Variants in AGBL1 observed in about 807,000 individuals in gnomAD.
AGBL1 encodes cytosolic carboxypeptidase 4.
AGBL1 carries 130 observed loss-of-function variants against 118.9 expected under a neutral mutation model. That is an observed-to-expected ratio of 1.09 (90% confidence interval 0.95 to 1.26). The LOEUF is 1.26. Ranked by LOEUF, AGBL1 falls within the 50% of genes most tolerant of loss-of-function variation. The probability of loss-of-function intolerance (pLI) is 0.00; values close to 1 mark genes in which losing one functional copy is unlikely to be tolerated. For synonymous variants in AGBL1, 555 were observed against 478.9 expected, an observed-to-expected ratio of 1.16 and a Z score of -2.08; for missense variants, 1,584 against 1,298.1, an observed-to-expected ratio of 1.22 and a Z score of -3.38.
intron 22 of AGBL1, among the ~76,000 whole-genome samples, chr15:86,791,074 T>G (rs80211978): frequency 0.065 from 9,895 of 152,238 alleles, 472 homozygotes; most frequent in East Asian, 0.19. Flanking sequence ...TGGAAAGATA[T>G]GAAAATCCAG....
intron 5 of AGBL1, among the ~76,000 whole-genome samples, chr15:86,197,649 G>A (rs1316824865): frequency 6.6e-6 from 1 of 152,168 alleles, no homozygotes. Context: ...AGGAACTAGA[G>A]CTTGAAAATT....
At chr15:86,571,226 G>A (rs576318952) in intron 21 of AGBL1, among the ~76,000 whole-genome samples, 2 of 152,274 alleles carry the variant, frequency 1.3e-5, no homozygotes, top group Non-Finnish European at 2.9e-5. Context: ...TCCCTGAAGG[G>A]CCACAGCTCT....
chr15:86,902,587 G>T (rs1235417995), intron 22 of AGBL1, among the ~76,000 whole-genome samples: 3 of 151,950 alleles, frequency 2.0e-5, no homozygotes, highest in Non-Finnish European at 2.9e-5. Flanking sequence ...TTTTAGGGTA[G>T]ATCTGTTACC....
At chr15:86,281,735 A>G (rs1275719248) in intron 16 of AGBL1, among the ~76,000 whole-genome samples, 1 of 152,178 alleles carries the variant, frequency 6.6e-6, no homozygotes, top group Non-Finnish European at 1.5e-5. Context: ...CCCCTGTAGA[A>G]AAGTGTAGAA....
chr15:86,159,407 A>G (rs2077236170), intron 5 of AGBL1, among the ~76,000 whole-genome samples: 1 of 152,142 alleles, frequency 6.6e-6, no homozygotes, highest in African/African-American at 2.4e-5. Flanking sequence ...ACTCGCAGCA[A>G]ATCTACCATA....
At chr15:86,199,969 T>G (rs372889916) in intron 5 of AGBL1, among the ~76,000 whole-genome samples, 1 of 152,196 alleles carries the variant, frequency 6.6e-6, no homozygotes, top group Non-Finnish European at 1.5e-5. Flanking sequence ...TTTGCACAAC[T>G]GTCCTGTTTG....
chr15:86,955,498 A>T (rs925605003), intron 23 of AGBL1, among the ~76,000 whole-genome samples: 5 of 152,078 alleles, frequency 3.3e-5, no homozygotes, highest in Non-Finnish European at 7.4e-5. Context: ...CAAATGATGA[A>T]CATGTAATCA....
chr15:86,652,465 C>T (rs1009647571), intron 21 of AGBL1, among the ~76,000 whole-genome samples: 5 of 151,976 alleles, frequency 3.3e-5, no homozygotes, highest in African/African-American at 9.7e-5. Context: ...TTTATCCATT[C>T]TAGAAAGATG....
intron 18 of AGBL1, among the ~76,000 whole-genome samples, chr15:86,499,640 G>A (rs1183604668): frequency 6.6e-6 from 1 of 151,872 alleles, no homozygotes; most frequent in African/African-American, 2.4e-5. Flanking sequence ...CTACTAATTA[G>A]TATTACAGTT....
chr15:86,084,435 T>C (rs906300705), intron 1 of AGBL1, among the ~76,000 whole-genome samples: 7 of 152,208 alleles, frequency 4.6e-5, no homozygotes, highest in African/African-American at 1.7e-4. Flanking sequence ...GTTATTCTCC[T>C]GTCTTACAGA....
At chr15:86,467,259 T>C (rs189679365) in intron 18 of AGBL1, among the ~76,000 whole-genome samples, 2 of 152,292 alleles carry the variant, frequency 1.3e-5, no homozygotes, top group Admixed American at 1.3e-4. Flanking sequence ...TCCTGATGGC[T>C]TTGTTTACAC....
chr15:87,012,343 G>A (rs559685242), intron 24 of AGBL1, among the ~76,000 whole-genome samples: 1 of 151,488 alleles, frequency 6.6e-6, no homozygotes, highest in Non-Finnish European at 1.5e-5. Flanking sequence ...TTTTGGGGGG[G>A]TACTTTCCTA....
chr15:86,825,752 A>G (rs1025530800), intron 22 of AGBL1, among the ~76,000 whole-genome samples: 4 of 150,320 alleles, frequency 2.7e-5, no homozygotes, highest in African/African-American at 9.7e-5. Context: ...AAAGAAAGAA[A>G]AACAAACCAA....
intron 20 of AGBL1, among the ~76,000 whole-genome samples, chr15:86,547,670 G>A (rs571615718): frequency 6.6e-6 from 1 of 152,204 alleles, no homozygotes; most frequent in Non-Finnish European, 1.5e-5. Flanking sequence ...AAGGACAGTG[G>A]TATTTAATAG....
chr15:86,113,273 CT>C (rs1312478666), intron 1 of AGBL1, among the ~76,000 whole-genome samples: 14 of 63,962 alleles, frequency 2.2e-4, no homozygotes, highest in Admixed American at 4.5e-4. Flanking sequence ...TTCTTTCTTT[CT>C]TTTTCTTTCT....
At chr15:86,804,731 A>G (rs2078694489) in intron 22 of AGBL1, among the ~76,000 whole-genome samples, 1 of 152,164 alleles carries the variant, frequency 6.6e-6, no homozygotes, top group Admixed American at 6.5e-5. Flanking sequence ...GAGGGATGGG[A>G]AAGGCTATAT....
rs757783680 is a variant in AGBL1 at position 86,269,954 on chromosome 15, A to C, written c.1874A>C (p.Asn625Thr). 4 of 1,613,842 alleles carry C rather than the reference A, an allele frequency of 2.5e-6. No homozygotes were observed. The change falls in exon 14 of 23, where the codon AAT (asparagine) becomes ACT (threonine). Residue 625 changes from asparagine to threonine, a missense_variant. Physicochemically the swap from Asn to Thr is moderately conservative, Grantham distance 65. Coordinates refer to ENST00000614907, the MANE Select transcript of AGBL1 (RefSeq NM_001386094.1). The stretch of plus-strand genomic sequence containing the variant: ...GACTTGCTGGTCAACGCAGATGTGA[A>C]TAGCACCCAGCACCAGCAGTGGTTC... ...EYDLLVNADV[N>T]STQHQQWFYF...
intron 18 of AGBL1, among the ~76,000 whole-genome samples, chr15:86,403,419 A>G (rs867333610): frequency 2.6e-4 from 40 of 152,312 alleles, no homozygotes; most frequent in Middle Eastern, 3.4e-3. Context: ...ATTAAAACAT[A>G]ATAGTTGAAT....
intron 5 of AGBL1, among the ~76,000 whole-genome samples, chr15:86,204,157 T>C (rs1022953459): frequency 6.6e-6 from 1 of 152,110 alleles, no homozygotes; most frequent in African/African-American, 2.4e-5. Context: ...TCTAAGCTTG[T>C]CAAGCCACTT....
Sources: allele counts gnomAD v4.1 joint callset (sites outside exome capture counted in the v4.1 genomes callset), GRCh38; gene constraint gnomAD v4.1.1; transcripts MANE v1.5; gene names NCBI Gene and HGNC (gene_info 2026-07-23, HGNC 2026-07-21).